SPAG6: variants seen among roughly 807,000 people sequenced by gnomAD.
SPAG6 encodes the protein sperm associated antigen 6.
Under a neutral mutation model 58.5 loss-of-function variants are expected in SPAG6, and 49 were observed. The ratio of observed to expected loss-of-function variants is 0.84; its 90% confidence interval spans 0.67 to 1.06. The LOEUF (loss-of-function observed/expected upper bound fraction) is 1.06. SPAG6 is among the 50% of genes least tolerant of loss of function. SPAG6 has a pLI of 0.00. For synonymous variants in SPAG6, 233 were observed against 225.6 expected, an observed-to-expected ratio of 1.03 and a Z score of -0.29; for missense variants, 560 against 611.3, an observed-to-expected ratio of 0.92 and a Z score of 0.89.
Position 22,403,381 on chromosome 10 carries a change from G to A in SPAG6, c.1314+2104G>A, listed in dbSNP as rs996548688. ...TTCCCACCTATGAGTGAGAATATGCGGTGTTTGGTTTTTTGTTCTTGCGAT... is the reference window on the plus strand; with the variant it reads ...TTCCCACCTATGAGTGAGAATATGCAGTGTTTGGTTTTTTGTTCTTGCGAT... On this transcript the variant is annotated intron_variant, in intron 9 of 10. Coordinates refer to ENST00000376624, the MANE Select transcript of SPAG6 (RefSeq NM_012443.4). 5.9e-5 allele frequency among the ~76,000 whole-genome samples: 9 copies of A among 151,910 alleles called. No individual in the cohort carries two copies. The South Asian group carries it at 6.2e-4, about 11-fold the overall frequency.
chr10:22,348,744 T>C (rs1314646562), intron 2 of SPAG6, among the ~76,000 whole-genome samples: 2 of 152,248 alleles, frequency 1.3e-5, no homozygotes, highest in Non-Finnish European at 2.9e-5. Context: ...ATTTGCTTTA[T>C]TAAATATGTC....
At chr10:22,348,725 A>G (rs1006683649) in intron 2 of SPAG6, among the ~76,000 whole-genome samples, 6 of 152,238 alleles carry the variant, frequency 3.9e-5, no homozygotes, top group Non-Finnish European at 4.4e-5. Context: ...TTTATACACT[A>G]ATAAGAGAAT....
At chr10:22,408,854 G>A (rs540936696) in intron 9 of SPAG6, among the ~76,000 whole-genome samples, 1 of 152,336 alleles carries the variant, frequency 6.6e-6, no homozygotes, top group African/African-American at 2.4e-5. Context: ...CGTTTTTTAA[G>A]CCGATTGGAA....
intron 2 of SPAG6, among the ~76,000 whole-genome samples, chr10:22,354,047 A>G (rs779471213): frequency 9.2e-5 from 14 of 152,192 alleles, no homozygotes; most frequent in Admixed American, 2.0e-4. Context: ...TCTAATTATG[A>G]AGGGCCTCGT....
chr10:22,414,547 CAT>C (rs1834824344), intron 10 of SPAG6, among the ~76,000 whole-genome samples: 1 of 152,106 alleles, frequency 6.6e-6, no homozygotes, highest in Admixed American at 6.5e-5. Context: ...TTACCTATTT[CAT>C]AGTTAGAATT....
At chr10:22,353,074 G>C (rs1836774888) in intron 2 of SPAG6, among the ~76,000 whole-genome samples, 1 of 152,012 alleles carries the variant, frequency 6.6e-6, no homozygotes, top group South Asian at 2.1e-4. Flanking sequence ...TTAATATTTT[G>C]GAGTAAACTA....
chr10:22,406,691 C>T (rs1162013369), intron 9 of SPAG6, among the ~76,000 whole-genome samples: 1 of 151,968 alleles, frequency 6.6e-6, no homozygotes, highest in Non-Finnish European at 1.5e-5. Context: ...CCTGGGTTTC[C>T]TTGTTTACTT....
chr10:22,360,778 T>C (rs1229869189), intron 2 of SPAG6: 4 of 1,528,100 alleles, frequency 2.6e-6, no homozygotes, highest in East Asian at 4.9e-5. Flanking sequence ...TCAGATATTG[T>C]GGCAACTATT....
intron 8 of SPAG6, among the ~76,000 whole-genome samples, chr10:22,393,317 G>T (rs1276348277): frequency 2.0e-5 from 3 of 152,012 alleles, no homozygotes; most frequent in Non-Finnish European, 1.5e-5. Flanking sequence ...ATAAAGTAAA[G>T]GGATGTATGA....
At chr10:22,412,193 A>G (rs1345338852) in intron 10 of SPAG6, among the ~76,000 whole-genome samples, 2 of 152,118 alleles carry the variant, frequency 1.3e-5, no homozygotes, top group Admixed American at 6.5e-5. Flanking sequence ...GGCATGCAGG[A>G]TAAAGGCATA....
intron 9 of SPAG6, among the ~76,000 whole-genome samples, chr10:22,407,578 C>A (rs1231399552): frequency 5.3e-5 from 8 of 151,818 alleles, no homozygotes; most frequent in African/African-American, 1.7e-4. Context: ...ACATTTTTTC[C>A]TTCATTTCAA....
At chr10:22,391,946 A>C in intron 8 of SPAG6, 26 bp downstream of exon 8, 1 of 1,520,940 alleles carries the variant, frequency 6.6e-7, no homozygotes, top group South Asian at 1.2e-5. Flanking sequence ...TGTTTTATGA[A>C]GATTTTGGCT....
intron 8 of SPAG6, among the ~76,000 whole-genome samples, chr10:22,397,967 AAAG>A (rs1172610805): frequency 2.6e-5 from 4 of 152,250 alleles, no homozygotes; most frequent in Admixed American, 6.5e-5. Flanking sequence ...CAATCTTGAA[AAAG>A]AAGAACTTAA....
chr10:22,360,938 C>G (rs1837019415), intron 2 of SPAG6: 1 of 801,654 alleles, frequency 1.2e-6, no homozygotes, highest in African/African-American at 1.7e-5. Context: ...ATGCAGTTTC[C>G]TTGCATATTT....
rs115169188 is a variant in SPAG6, at chr10:22,415,428, A to G, written c.1461-1191A>G. Among the ~76,000 whole-genome samples the G allele has an allele frequency of 4.5e-3, 685 of 152,286 alleles. 5 individuals carry two copies. The highest frequency in any genetic ancestry group is 0.016 in the African/African-American group (666 of 41,556). On this transcript the variant is annotated intron_variant, in intron 10 of 10. Transcript: ENST00000376624. ...AAAATTTTTGACTAACTCAGAGAAG[A>G]AGCAGTTGTGAATTTCTCAGTGTAA...
intron 2 of SPAG6, chr10:22,360,771 G>C (rs925675937): frequency 1.5e-5 from 23 of 1,526,204 alleles, no homozygotes; most frequent in Non-Finnish European, 1.8e-5. Context: ...TTGTTTATCA[G>C]ATATTGTGGC....
intron 10 of SPAG6, 171 bp downstream of exon 10, chr10:22,411,347 C>T: frequency 1.9e-6 from 1 of 516,892 alleles, no homozygotes. Flanking sequence ...AATTAATGAT[C>T]TGACTGACAC....
chr10:22,346,430 GTTCTTCTTCTTCTTC>G (rs71393995), intron 2 of SPAG6, among the ~76,000 whole-genome samples: 179 of 95,996 alleles, frequency 1.9e-3, no homozygotes, highest in South Asian at 4.9e-3. Context: ...AGAGAAAATG[GTTCTTCTTCTTCTTC>G]TTCTTCTTCT....
chr10:22,393,638 G>A (rs1834229342), intron 8 of SPAG6, among the ~76,000 whole-genome samples: 1 of 152,134 alleles, frequency 6.6e-6, no homozygotes, highest in African/African-American at 2.4e-5. Context: ...ACACTGAGTA[G>A]TAAGTGAAAA....
Sources: allele counts gnomAD v4.1 joint callset (sites outside exome capture counted in the v4.1 genomes callset), GRCh38; gene constraint gnomAD v4.1.1; transcripts MANE v1.5; gene names NCBI Gene and HGNC (gene_info 2026-07-23, HGNC 2026-07-21).